Variants in ATP11B observed in about 807,000 individuals in gnomAD.
ATP11B encodes the protein ATPase phospholipid transporting 11B (putative).
ATP11B carries 81 observed loss-of-function variants against 157.8 expected under a neutral mutation model. The ratio of observed to expected loss-of-function variants is 0.51; its 90% CI spans 0.43 to 0.62. The LOEUF is 0.62. Among genes scored for constraint, ATP11B ranks in the 20% least tolerant of loss-of-function variants. The probability of loss-of-function intolerance (pLI) is 0.00; values close to 1 mark genes in which losing one functional copy is unlikely to be tolerated. For synonymous variants in ATP11B, 451 were observed against 469.4 expected, an observed-to-expected ratio of 0.96 and a Z score of 0.51; for missense variants, 1,165 against 1,402.2, an observed-to-expected ratio of 0.83 and a Z score of 2.70.
intron 25 of ATP11B, among the ~76,000 whole-genome samples, chr3:182,892,883 T>C (rs1269222628): frequency 6.6e-6 from 1 of 152,232 alleles, no homozygotes; most frequent in Admixed American, 6.5e-5. Flanking sequence ...GATATTCCTT[T>C]ACTATTACTC....
At position 182,879,541 on chromosome 3, in the gene ATP11B, G is replaced by T. The variant is rs748444531; in HGVS notation, c.2298G>T (p.Gly766=). The T allele has an allele frequency of 1.9e-6, 3 of 1,613,506 alleles. No individual in the cohort carries two copies. In the African/African-American group the frequency reaches 4.0e-5, roughly 22 times the overall value. The change falls in exon 20 of 30, where the codon GGG becomes GGT. Residue 766 remains glycine, a synonymous_variant. Coordinates refer to ENST00000323116, the MANE Select transcript of ATP11B (RefSeq NM_014616.3). The part of the protein sequence containing the change: ...HVIQHGLVVD[G]TSLSLALREH... ...TTCAGCATGGGCTGGTAGTGGATGGGACCAGCCTATCTCTTGCACTCAGGG... is the reference window on the plus strand; with the variant it reads ...TTCAGCATGGGCTGGTAGTGGATGGTACCAGCCTATCTCTTGCACTCAGGG...
intron 1 of ATP11B, among the ~76,000 whole-genome samples, chr3:182,797,869 C>T (rs1031688080): frequency 6.7e-4 from 102 of 152,098 alleles, no homozygotes; most frequent in Non-Finnish European, 8.4e-4. Context: ...AAGTTACCTA[C>T]GTGACTTGCA....
chr3:182,803,431 A>C (rs1716133756), intron 1 of ATP11B, among the ~76,000 whole-genome samples: 1 of 152,082 alleles, frequency 6.6e-6, no homozygotes, highest in Non-Finnish European at 1.5e-5. Flanking sequence ...ATATGTTGTA[A>C]ATATCTTCTA....
chr3:182,798,073 GC>G (rs1715744911), intron 1 of ATP11B, among the ~76,000 whole-genome samples: 1 of 152,074 alleles, frequency 6.6e-6, no homozygotes, highest in African/African-American at 2.4e-5. Flanking sequence ...GTAGTTTGAG[GC>G]TGCAGTGAGC....
chr3:182,889,928 T>A (rs994466190), intron 25 of ATP11B, among the ~76,000 whole-genome samples: 5 of 152,208 alleles, frequency 3.3e-5, no homozygotes, highest in Non-Finnish European at 5.9e-5. Context: ...CTCCCAATAA[T>A]CTTATTAGAG....
At chr3:182,820,838 A>C in intron 2 of ATP11B, among the ~76,000 whole-genome samples, 1 of 152,214 alleles carries the variant, frequency 6.6e-6, no homozygotes, top group Non-Finnish European at 1.5e-5. Flanking sequence ...CTAATTGCTG[A>C]TATCAGTAGC....
At chr3:182,825,698 G>A (rs1192190979) in intron 2 of ATP11B, among the ~76,000 whole-genome samples, 6 of 148,426 alleles carry the variant, frequency 4.0e-5, no homozygotes, top group Admixed American at 6.7e-5. Context: ...ACTCCAGCCT[G>A]GGTGACTGAG....
At chr3:182,864,624 G>A (rs1721090796) in intron 12 of ATP11B, among the ~76,000 whole-genome samples, 1 of 152,042 alleles carries the variant, frequency 6.6e-6, no homozygotes, top group Non-Finnish European at 1.5e-5. Flanking sequence ...CATATTTGTA[G>A]TATATAACCC....
chr3:182,917,743 C>T, intron 29 of ATP11B: 1 of 985,056 alleles, frequency 1.0e-6, no homozygotes. Flanking sequence ...ACTTTAAAAG[C>T]AGCTCATGCT....
Position 182,911,063 on chromosome 3 carries a change from G to A in ATP11B, c.3319-2798G>A, listed in dbSNP as rs536428976. On this transcript the variant is annotated intron_variant, in intron 28 of 29. Transcript: ENST00000323116. ...AGATTAGAAATGCTTATTTCTTCAT[G>A]GGCCAGTAATAGTGTTTATGGATCA... Among the ~76,000 whole-genome samples the A allele has an allele frequency of 1.5e-3, 224 of 152,026 alleles. 1 individual carries two copies. Among genetic ancestry groups the A allele is most frequent in the African/African-American group, 5.0e-3 (209 of 41,460 alleles).
chr3:182,836,230 C>A (rs1553801380), intron 5 of ATP11B, 88 bp downstream of exon 5: 2 of 1,556,608 alleles, frequency 1.3e-6, no homozygotes, highest in East Asian at 2.2e-5. Flanking sequence ...TAGTTAAAAG[C>A]CTACTTTCCT....
At chr3:182,817,274 G>GTT (rs1270903311) in intron 1 of ATP11B, among the ~76,000 whole-genome samples, 10 of 144,582 alleles carry the variant, frequency 6.9e-5, no homozygotes, top group African/African-American at 2.5e-4. Context: ...TGGGGGGACC[G>GTT]TTTTTTTTTT....
chr3:182,862,025 C>T (rs1449878322), intron 12 of ATP11B, among the ~76,000 whole-genome samples: 1 of 151,676 alleles, frequency 6.6e-6, no homozygotes, highest in African/African-American at 2.4e-5. Context: ...GTGGGTAGAT[C>T]ACTTGAGCCC....
intron 1 of ATP11B, among the ~76,000 whole-genome samples, chr3:182,798,649 C>T (rs1175284408): frequency 3.3e-5 from 5 of 152,206 alleles, no homozygotes; most frequent in African/African-American, 1.2e-4. Context: ...TTATGATTAC[C>T]ATTATTGTCA....
At position 182,793,720 on chromosome 3, in the gene ATP11B, C is replaced by T. The variant is rs1268113322; in HGVS notation, c.-40C>T. 1.5e-6 allele frequency: 2 copies of T among 1,377,168 alleles called. No individual in the cohort carries two copies. The highest frequency in any genetic ancestry group is 1.4e-5 in the South Asian group (1 of 70,768). 85.3% of individuals were successfully genotyped at this position (1,377,168 alleles called of 1,614,324 possible). On this transcript the variant is annotated 5_prime_UTR_variant, in exon 1 of 30. Coordinates refer to ENST00000323116, the MANE Select transcript of ATP11B (RefSeq NM_014616.3). ...TCGGCCTCCACCTGCAGCCCCGCGGCCCCCGCGCCCCGCGGGACCCGGACG... is the reference window on the plus strand; with the variant it reads ...TCGGCCTCCACCTGCAGCCCCGCGGTCCCCGCGCCCCGCGGGACCCGGACG...
chr3:182,889,425 C>A lies in ATP11B; in HGVS notation c.2859C>A (p.Asn953Lys). 6.4e-7 allele frequency: 1 copy of A among 1,567,212 alleles called. No homozygotes were observed. Among genetic ancestry groups the A allele is most frequent in the Non-Finnish European group, 8.6e-7 (1 of 1,161,572 alleles). Reference protein sequence around the residue: ...KPTLYRDISKNRLLSIKTFLY... With the variant: ...KPTLYRDISKKRLLSIKTFLY... ...TTTTTAACAGAGACATTAGTAAAAA[C>A]CGCCTCTTAAGTATTAAAACATTTC... The change falls in exon 25 of 30, where the codon AAC becomes AAA. Residue 953 changes from asparagine (N) to lysine (K), a missense_variant. By Grantham distance (94) the Asn-to-Lys change is moderately conservative (BLOSUM62 0). This residue lies in a region of ATP11B where 303 missense variants were observed against 296.3 expected (regional missense o/e 1.02). Coordinates refer to ENST00000323116, the MANE Select transcript of ATP11B (RefSeq NM_014616.3).
chr3:182,895,963 T>C (rs1723520347), intron 25 of ATP11B, among the ~76,000 whole-genome samples: 1 of 152,170 alleles, frequency 6.6e-6, no homozygotes, highest in Admixed American at 6.5e-5. Flanking sequence ...CCCCGTGAAA[T>C]GTTGCACTTT....
chr3:182,897,130 T>A (rs920325589), intron 26 of ATP11B, among the ~76,000 whole-genome samples, 173 bp from the exon 27 acceptor site: 8 of 152,126 alleles, frequency 5.3e-5, no homozygotes, highest in Non-Finnish European at 1.5e-5. Flanking sequence ...TGAAATTATT[T>A]CATTTTATAC....
chr3:182,888,811 G>T (rs1560115893), intron 24 of ATP11B, among the ~76,000 whole-genome samples: 1 of 150,408 alleles, frequency 6.6e-6, no homozygotes, highest in Non-Finnish European at 1.5e-5. Context: ...GCCTCCCAAA[G>T]TGTTGGGATT....
Sources: allele counts gnomAD v4.1 joint callset (sites outside exome capture counted in the v4.1 genomes callset), GRCh38; gene constraint gnomAD v4.1.1; regional missense constraint gnomAD v4.1.1; transcripts MANE v1.5; gene names NCBI Gene and HGNC (gene_info 2026-07-23, HGNC 2026-07-21).